Variants in HEMK2 observed in about 807,000 individuals in gnomAD.
HEMK2 encodes the protein HemK methyltransferase 2, ETF1 glutamine and histone H4 lysine, also known as methyltransferase HEMK2.
chr21:28,831,223 T>A, the HEMK2 span, among the ~76,000 whole-genome samples: 1 of 151,802 alleles, frequency 6.6e-6, no homozygotes, highest in African/African-American at 2.4e-5. Context: ...GGTGGGTGGA[T>A]CACTTGAGGT....
At chr21:28,581,962 T>C in the HEMK2 span, among the ~76,000 whole-genome samples, 3 of 152,218 alleles carry the variant, frequency 2.0e-5, no homozygotes, top group Non-Finnish European at 2.9e-5. Context: ...TCTTTCACTA[T>C]GTTCCTAAAG....
the HEMK2 span, among the ~76,000 whole-genome samples, chr21:28,860,964 T>C: frequency 1.3e-5 from 2 of 152,200 alleles, no homozygotes. Context: ...CTTCCTTGGT[T>C]TAATGTAGAA....
At chr21:28,833,759 C>T in the HEMK2 span, among the ~76,000 whole-genome samples, 6 of 152,296 alleles carry the variant, frequency 3.9e-5, no homozygotes, top group Admixed American at 2.6e-4. Context: ...CTGAATCCTG[C>T]CTCTATCGTT....
the HEMK2 span, among the ~76,000 whole-genome samples, chr21:28,775,865 T>C: frequency 2.6e-5 from 4 of 151,778 alleles, no homozygotes; most frequent in South Asian, 8.3e-4. Flanking sequence ...GAAAATAAAT[T>C]AGAGAGCAAA....
At chr21:28,761,324 C>T in the HEMK2 span, among the ~76,000 whole-genome samples, 1 of 151,988 alleles carries the variant, frequency 6.6e-6, no homozygotes, top group Admixed American at 6.6e-5. Context: ...AAAAACTTTT[C>T]TGTGAGTAAG....
At chr21:28,800,147 A>G in the HEMK2 span, among the ~76,000 whole-genome samples, 2 of 152,200 alleles carry the variant, frequency 1.3e-5, no homozygotes, top group African/African-American at 4.8e-5. Context: ...TGGGAAATCA[A>G]AACACTGTCA....
the HEMK2 span, among the ~76,000 whole-genome samples, chr21:28,736,914 C>A: frequency 6.6e-6 from 1 of 152,050 alleles, no homozygotes; most frequent in Admixed American, 6.6e-5. Flanking sequence ...TTGAGATTCA[C>A]AGGGGTTTAA....
the HEMK2 span, among the ~76,000 whole-genome samples, chr21:28,879,288 G>T: frequency 2.0e-5 from 3 of 151,984 alleles, no homozygotes; most frequent in Admixed American, 6.6e-5. Flanking sequence ...TATCGTCCAG[G>T]CTGGAGTGCA....
At chr21:28,803,570 T>A in the HEMK2 span, among the ~76,000 whole-genome samples, 5 of 152,096 alleles carry the variant, frequency 3.3e-5, no homozygotes, top group Admixed American at 6.6e-5. Flanking sequence ...CTTAAGAAAA[T>A]GCCAAAGAAG....
At chr21:28,662,972 A>G in the HEMK2 span, among the ~76,000 whole-genome samples, 1 of 152,080 alleles carries the variant, frequency 6.6e-6, no homozygotes, top group African/African-American at 2.4e-5. Flanking sequence ...TAAGAGAAAA[A>G]GCATACCTCT....
the HEMK2 span, among the ~76,000 whole-genome samples, chr21:28,857,493 G>A: frequency 6.6e-6 from 1 of 152,000 alleles, no homozygotes; most frequent in Non-Finnish European, 1.5e-5. Flanking sequence ...GTGTAATTCT[G>A]AAAGAGAAAT....
At chr21:28,656,175 A>AG in the HEMK2 span, among the ~76,000 whole-genome samples, 5 of 152,096 alleles carry the variant, frequency 3.3e-5, no homozygotes, top group Middle Eastern at 3.4e-3. Flanking sequence ...TCTCTTAACT[A>AG]GGGGGGGAAG....
chr21:28,754,365 C>T, the HEMK2 span, among the ~76,000 whole-genome samples: 11 of 152,196 alleles, frequency 7.2e-5, no homozygotes, highest in Non-Finnish European at 1.3e-4. Flanking sequence ...CTACCTCGTG[C>T]CTTGTAAATG....
chr21:28,691,386 G>A, the HEMK2 span, among the ~76,000 whole-genome samples: 1 of 152,116 alleles, frequency 6.6e-6, no homozygotes, highest in Non-Finnish European at 1.5e-5. Flanking sequence ...TATCTCTGAT[G>A]GGGTTCACTC....
the HEMK2 span, among the ~76,000 whole-genome samples, chr21:28,706,427 T>C: frequency 6.6e-6 from 1 of 152,196 alleles, no homozygotes; most frequent in African/African-American, 2.4e-5. Flanking sequence ...TTATTTCACA[T>C]GTAGTTAGAA....
chr21:28,583,773 A>T, the HEMK2 span, among the ~76,000 whole-genome samples: 31 of 152,316 alleles, frequency 2.0e-4, no homozygotes, highest in African/African-American at 7.0e-4. Flanking sequence ...TTGTTATCAT[A>T]AACAACTGCT....
At chr21:28,695,243 T>C in the HEMK2 span, among the ~76,000 whole-genome samples, 1 of 152,170 alleles carries the variant, frequency 6.6e-6, no homozygotes, top group Non-Finnish European at 1.5e-5. Flanking sequence ...ACCATTGCTA[T>C]AGTTTGTTTT....
chr21:28,615,819 C>T, the HEMK2 span, among the ~76,000 whole-genome samples: 357 of 152,154 alleles, frequency 2.3e-3, 14 homozygotes, highest in East Asian at 0.046. Flanking sequence ...AAAGGCTTAA[C>T]GATTGCTTTC....
At chr21:28,740,203 T>G in the HEMK2 span, among the ~76,000 whole-genome samples, 1 of 152,246 alleles carries the variant, frequency 6.6e-6, no homozygotes, top group Non-Finnish European at 1.5e-5. Context: ...AGCCTATCTA[T>G]ATCTTAGCAA....
Sources: gnomAD v4.1 joint callset for allele counts (sites outside exome capture counted in the v4.1 genomes callset) on GRCh38, gnomAD v4.1.1 for gene constraint, MANE v1.5 for transcripts, NCBI Gene and HGNC (gene_info 2026-07-23, HGNC 2026-07-21) for gene names.